Variants in APELA observed in about 807,000 individuals in gnomAD.
The protein encoded by APELA is protein Elabela.
chr4:164,884,037 GA>G, intron 2 of APELA, among the ~76,000 whole-genome samples: 1 of 141,974 alleles, frequency 7.0e-6, no homozygotes, highest in Non-Finnish European at 1.5e-5. Flanking sequence ...GAGAAGGGAA[GA>G]AAAAAGGAAA....
intron 2 of APELA, among the ~76,000 whole-genome samples, chr4:164,886,336 T>A (rs961744703): frequency 1.3e-5 from 2 of 152,166 alleles, no homozygotes; most frequent in Non-Finnish European, 2.9e-5. Context: ...AATTTACTGA[T>A]GAGATAAAAC....
chr4:164,894,420 TA>T (rs1730934869), intron 2 of APELA, among the ~76,000 whole-genome samples: 1 of 152,142 alleles, frequency 6.6e-6, no homozygotes, highest in South Asian at 2.1e-4. Context: ...TTTATTTTTT[TA>T]TTTTTTTATT....
chr4:164,887,636 A>T (rs1211139544), intron 2 of APELA, among the ~76,000 whole-genome samples: 1 of 150,338 alleles, frequency 6.7e-6, no homozygotes, highest in Admixed American at 6.6e-5. Flanking sequence ...TTTGAGATGG[A>T]GTTTCTCTCT....
chr4:164,891,668 A>C (rs1308968982), intron 2 of APELA, among the ~76,000 whole-genome samples: 1 of 152,118 alleles, frequency 6.6e-6, no homozygotes, highest in Non-Finnish European at 1.5e-5. Flanking sequence ...TTATTGATTC[A>C]TTCTCATAGG....
At position 164,894,527 on chromosome 4, in the gene APELA, G is replaced by A. The variant is rs114253178; in HGVS notation, c.*2-889G>A. 5.6e-3 allele frequency among the ~76,000 whole-genome samples: 842 copies of A among 151,610 alleles called. 2 individuals are homozygous for A. Among genetic ancestry groups the A allele is most frequent in the African/African-American group, 0.019 (785 of 41,320 alleles). On this transcript the variant is annotated intron_variant, in intron 2 of 2. Transcript: ENST00000507152. Reference sequence around the variant, plus strand: ...TTTCTTCCAGGTTCAAGCAATTCTCGTGCCTCAGCGGGGAATATAGGCATG... The same window carrying A: ...TTTCTTCCAGGTTCAAGCAATTCTCATGCCTCAGCGGGGAATATAGGCATG...
At chr4:164,894,536 C>T (rs535900267) in intron 2 of APELA, among the ~76,000 whole-genome samples, 16 of 151,938 alleles carry the variant, frequency 1.1e-4, no homozygotes, top group African/African-American at 3.4e-4. Flanking sequence ...CGTGCCTCAG[C>T]GGGGAATATA....
intron 1 of APELA, among the ~76,000 whole-genome samples, chr4:164,878,691 G>A (rs1018334090): frequency 2.6e-5 from 4 of 152,152 alleles, no homozygotes; most frequent in African/African-American, 9.7e-5. Flanking sequence ...GTTGCTCAAC[G>A]ATGGAGTTAA....
At chr4:164,883,488 T>C (rs74464587) in intron 2 of APELA, among the ~76,000 whole-genome samples, 32 of 146,702 alleles carry the variant, frequency 2.2e-4, no homozygotes, top group Non-Finnish European at 2.7e-4. Flanking sequence ...GTCTTTCTTT[T>C]TCTTTTTTTT....
intron 2 of APELA, among the ~76,000 whole-genome samples, chr4:164,881,923 T>C (rs918305402): frequency 5.3e-5 from 8 of 151,060 alleles, no homozygotes; most frequent in African/African-American, 1.9e-4. Context: ...CCTCTAGTCC[T>C]AGCTATTTGG....
intron 2 of APELA, among the ~76,000 whole-genome samples, chr4:164,886,404 C>T (rs948983002): frequency 6.6e-6 from 1 of 152,132 alleles, no homozygotes; most frequent in Non-Finnish European, 1.5e-5. Flanking sequence ...GTAAACCCAG[C>T]ACTTTGGGAG....
chr4:164,892,669 A>G (rs1730905064), intron 2 of APELA, among the ~76,000 whole-genome samples: 1 of 152,090 alleles, frequency 6.6e-6, no homozygotes, highest in African/African-American at 2.4e-5. Context: ...TAAATTTTGG[A>G]AAAGTTTGGG....
intron 2 of APELA, among the ~76,000 whole-genome samples, chr4:164,885,244 C>T (rs2111057879): frequency 6.6e-6 from 1 of 152,186 alleles, no homozygotes; most frequent in South Asian, 2.1e-4. Flanking sequence ...AATTCTCCTG[C>T]CTCAGCCTCT....
intron 2 of APELA, among the ~76,000 whole-genome samples, chr4:164,883,803 A>G (rs1303351235): frequency 6.6e-6 from 1 of 151,798 alleles, no homozygotes; most frequent in Non-Finnish European, 1.5e-5. Context: ...TTTCAATAAA[A>G]AATACCTCTC....
intron 2 of APELA, among the ~76,000 whole-genome samples, chr4:164,890,987 A>T (rs1274584660): frequency 6.6e-6 from 1 of 152,214 alleles, no homozygotes; most frequent in Non-Finnish European, 1.5e-5. Context: ...AATGTTGAGC[A>T]TCTTTTCATG....
intron 2 of APELA, among the ~76,000 whole-genome samples, chr4:164,884,165 G>GAAAGAAAGAAAGAA (rs1560858173): frequency 4.9e-5 from 6 of 123,084 alleles, no homozygotes; most frequent in African/African-American, 1.7e-4. Flanking sequence ...GAAAGGAGAA[G>GAAAGAAAGAAAGAA]AGAAAGAAAG....
At chr4:164,884,583 G>A (rs1012000731) in intron 2 of APELA, among the ~76,000 whole-genome samples, 5 of 152,090 alleles carry the variant, frequency 3.3e-5, no homozygotes, top group Non-Finnish European at 7.3e-5. Flanking sequence ...GGAGATAAGA[G>A]TTAAGACTGT....
At chr4:164,884,121 G>GAGAAAAGAAAGAAAGAAAGAA in intron 2 of APELA, among the ~76,000 whole-genome samples, 1 of 113,378 alleles carries the variant, frequency 8.8e-6, no homozygotes, top group African/African-American at 3.7e-5. Flanking sequence ...AAGAAAGAAA[G>GAGAAAAGAAAGAAAGAAAGAA]AGAAAGAAAG....
At chr4:164,898,959 C>T (rs894548631), downstream of APELA, 6 of 152,036 alleles carry the variant, frequency 3.9e-5, no homozygotes, top group African/African-American at 9.7e-5. Flanking sequence ...CTAACACCCA[C>T]GAAAAATACA....
At position 164,884,159 on chromosome 4, in the gene APELA, G is replaced by A. The variant is rs943131371; in HGVS notation, c.*1+5150G>A. 2.8e-5 allele frequency among the ~76,000 whole-genome samples: 4 copies of A among 141,518 alleles called. No homozygotes were observed. In the South Asian group the frequency reaches 9.2e-4, roughly 33 times the overall value. The allele number at this position is 141,518 out of a possible 152,430, so 92.8% of individuals were successfully genotyped here. A position where few individuals can be genotyped will look rare whatever the true frequency, so the allele number is the denominator to read the frequency against. On this transcript the variant is annotated intron_variant, in intron 2 of 2. Transcript: ENST00000507152. ...AGAAAGAAAGAAAGAAAGAAAGAAA[G>A]GAGAAGAGAAAGAAAGGAGAGAAGA...
Sources: allele counts gnomAD v4.1 joint callset (sites outside exome capture counted in the v4.1 genomes callset), GRCh38; gene constraint gnomAD v4.1.1; transcripts MANE v1.5; gene names NCBI Gene and HGNC (gene_info 2026-07-23, HGNC 2026-07-21).